Variants in SLC25A21 observed in about 807,000 individuals in gnomAD.
SLC25A21 encodes the protein mitochondrial 2-oxodicarboxylate carrier.
Under a neutral mutation model 43.8 loss-of-function variants are expected in SLC25A21, and 47 were observed. That is an observed-to-expected ratio of 1.07 (90% confidence interval 0.85 to 1.37). The LOEUF (loss-of-function observed/expected upper bound fraction) is 1.37. Among genes scored for constraint, SLC25A21 ranks in the 40% most tolerant of loss-of-function variants. The pLI, the probability that SLC25A21 is intolerant of heterozygous loss-of-function variation, is 0.00. For missense variants in SLC25A21, 352 were observed against 350.2 expected, an observed-to-expected ratio of 1.00 and a Z score of -0.04; for synonymous variants, 131 against 121.3, an observed-to-expected ratio of 1.08 and a Z score of -0.52.
At chr14:37,000,323 C>T (rs1428313724) in intron 1 of SLC25A21, among the ~76,000 whole-genome samples, 4 of 152,134 alleles carry the variant, frequency 2.6e-5, no homozygotes, top group African/African-American at 7.2e-5. Flanking sequence ...AATATTCCCC[C>T]GTTTTCTCTC....
At chr14:36,730,626 T>C (rs1884780157) in intron 4 of SLC25A21, among the ~76,000 whole-genome samples, 1 of 152,206 alleles carries the variant, frequency 6.6e-6, no homozygotes, top group Non-Finnish European at 1.5e-5. Context: ...AAGAATCGTT[T>C]TACTATCTGG....
intron 7 of SLC25A21, among the ~76,000 whole-genome samples, chr14:36,695,390 G>T (rs534805078): frequency 1.3e-5 from 2 of 152,320 alleles, no homozygotes; most frequent in Middle Eastern, 3.4e-3. Flanking sequence ...TCTTGGCAAT[G>T]CAGGCTCTTT....
chr14:36,761,593 C>G (rs1886159346), intron 3 of SLC25A21, among the ~76,000 whole-genome samples: 1 of 152,198 alleles, frequency 6.6e-6, no homozygotes, highest in African/African-American at 2.4e-5. Context: ...GTAATCTTAA[C>G]TGGAGCCAGC....
chr14:36,812,979 A>ATTTTTGAAATGTAAGATTTTTCAT (rs1157244716), intron 3 of SLC25A21, among the ~76,000 whole-genome samples: 1 of 152,208 alleles, frequency 6.6e-6, no homozygotes, highest in Non-Finnish European at 1.5e-5. Flanking sequence ...TTACTGTTAC[A>ATTTTTGAAATGTAAGATTTTTCAT]TTTTTGAAAG....
intron 1 of SLC25A21, among the ~76,000 whole-genome samples, chr14:36,993,962 C>T (rs1474499494): frequency 6.6e-6 from 1 of 152,184 alleles, no homozygotes; most frequent in East Asian, 1.9e-4. Flanking sequence ...AGAGTTTTTG[C>T]ATTGTGTTGG....
chr14:36,880,953 G>A (rs1000962522), intron 1 of SLC25A21, among the ~76,000 whole-genome samples: 33 of 152,316 alleles, frequency 2.2e-4, no homozygotes, highest in Admixed American at 2.1e-3. Flanking sequence ...ATGCTTGAAA[G>A]CCTGAAGGAT....
intron 1 of SLC25A21, among the ~76,000 whole-genome samples, chr14:37,088,729 C>T (rs904447176): frequency 2.6e-5 from 4 of 152,090 alleles, no homozygotes; most frequent in South Asian, 2.1e-4. Context: ...TATGCACAAA[C>T]GTGGCTAGCA....
At chr14:37,026,684 C>T (rs892917274) in intron 1 of SLC25A21, among the ~76,000 whole-genome samples, 1 of 152,062 alleles carries the variant, frequency 6.6e-6, no homozygotes, top group African/African-American at 2.4e-5. Flanking sequence ...CTGCAAAATG[C>T]TATTATGTAT....
intron 1 of SLC25A21, among the ~76,000 whole-genome samples, chr14:36,968,212 C>A (rs1263995666): frequency 6.6e-5 from 10 of 152,216 alleles, no homozygotes; most frequent in Non-Finnish European, 8.8e-5. Context: ...ATCAAGCAAA[C>A]TCTAAAGTCA....
intron 2 of SLC25A21, among the ~76,000 whole-genome samples, chr14:36,861,218 A>C (rs1472044708): frequency 1.3e-5 from 2 of 152,344 alleles, no homozygotes; most frequent in African/African-American, 4.8e-5. Flanking sequence ...GTCAAGGTTC[A>C]CAGTTATGAT....
At chr14:36,691,812 T>A (rs999903020) in intron 7 of SLC25A21, among the ~76,000 whole-genome samples, 1 of 152,250 alleles carries the variant, frequency 6.6e-6, no homozygotes, top group African/African-American at 2.4e-5. Context: ...TCCTCATCTA[T>A]GGATCTTTTC....
At chr14:36,745,977 A>G (rs1351069568) in intron 3 of SLC25A21, among the ~76,000 whole-genome samples, 3 of 152,144 alleles carry the variant, frequency 2.0e-5, no homozygotes, top group East Asian at 1.9e-4. Flanking sequence ...GAGATGCAGA[A>G]AAAAGAGAAC....
At chr14:37,055,506 T>C (rs1031708630) in intron 1 of SLC25A21, among the ~76,000 whole-genome samples, 1 of 152,170 alleles carries the variant, frequency 6.6e-6, no homozygotes, top group Non-Finnish European at 1.5e-5. Flanking sequence ...AGAGACACCA[T>C]AGAACTTCTT....
chr14:37,092,872 T>C (rs1321935727), intron 1 of SLC25A21, among the ~76,000 whole-genome samples: 2 of 152,022 alleles, frequency 1.3e-5, no homozygotes, highest in African/African-American at 2.4e-5. Flanking sequence ...AGAATTCTGA[T>C]ATATTTACAT....
intron 1 of SLC25A21, among the ~76,000 whole-genome samples, chr14:36,971,431 C>T (rs541788705): frequency 6.6e-6 from 1 of 152,038 alleles, no homozygotes; most frequent in African/African-American, 2.4e-5. Context: ...GACAAGATGG[C>T]GCTGGCCAAG....
At chr14:36,950,944 C>A (rs1429843) in intron 1 of SLC25A21, among the ~76,000 whole-genome samples, 6,585 of 152,250 alleles carry the variant, frequency 0.043, 284 homozygotes, top group Middle Eastern at 0.14. Flanking sequence ...ATATTCTAGG[C>A]TCCCCTCCAC....
intron 1 of SLC25A21, among the ~76,000 whole-genome samples, chr14:37,009,406 A>C (rs1366947158): frequency 6.6e-6 from 1 of 152,126 alleles, no homozygotes; most frequent in Non-Finnish European, 1.5e-5. Context: ...GAATTGCTTG[A>C]ACCTGGGAGG....
chr14:37,106,892 T>A (rs958869802), intron 1 of SLC25A21, among the ~76,000 whole-genome samples: 2 of 152,170 alleles, frequency 1.3e-5, no homozygotes, highest in Admixed American at 1.3e-4. Context: ...CCAACACTTA[T>A]GGAAAATAGA....
intron 6 of SLC25A21, among the ~76,000 whole-genome samples, chr14:36,721,676 G>T (rs190683278): frequency 1.3e-5 from 2 of 152,274 alleles, no homozygotes; most frequent in Non-Finnish European, 2.9e-5. Context: ...TATGGGTTCT[G>T]CTCCTATAAA....
Sources: allele counts gnomAD v4.1 joint callset (sites outside exome capture counted in the v4.1 genomes callset), GRCh38; gene constraint gnomAD v4.1.1; transcripts MANE v1.5; gene names NCBI Gene and HGNC (gene_info 2026-07-23, HGNC 2026-07-21).